ABI1: variants seen among roughly 807,000 people sequenced by gnomAD.
The protein encoded by ABI1 is Abelson interactor 1.
Under a neutral mutation model 54.6 loss-of-function variants are expected in ABI1, and 14 were observed. The observed-to-expected ratio is 0.26, with a 90% CI of 0.17 to 0.40. ABI1 has a LOEUF of 0.40. Among genes scored for constraint, ABI1 ranks in the 10% least tolerant of loss-of-function variants. The probability of loss-of-function intolerance (pLI) is 1.00; values close to 1 mark genes in which losing one functional copy is unlikely to be tolerated. For missense variants in ABI1, 443 were observed against 598.3 expected (o/e 0.74, Z 2.71); for synonymous variants, 194 against 209.3 (o/e 0.93, Z 0.63).
At chr10:26,833,846 T>C (rs1300420592) in intron 1 of ABI1, among the ~76,000 whole-genome samples, 2 of 152,014 alleles carry the variant, frequency 1.3e-5, no homozygotes, top group African/African-American at 4.8e-5. Flanking sequence ...GCAAAAAATC[T>C]GTATGTTCAA....
intron 1 of ABI1, among the ~76,000 whole-genome samples, chr10:26,847,087 C>T (rs754681932): frequency 1.3e-5 from 2 of 152,116 alleles, no homozygotes; most frequent in South Asian, 2.1e-4. Context: ...ACACATAATA[C>T]GTGTAAAAAG....
intron 1 of ABI1, among the ~76,000 whole-genome samples, chr10:26,827,889 G>T (rs200334847): frequency 6.6e-6 from 1 of 152,118 alleles, no homozygotes; most frequent in Admixed American, 6.5e-5. Context: ...CACCGCACCC[G>T]GCCAGCTTTT....
In ABI1 at chr10:26,746,726, T is replaced by A; in HGVS notation, c.*1844A>T. On this transcript the variant is annotated 3_prime_UTR_variant, in exon 11 of 11. Coordinates refer to ENST00000376140, the MANE Select transcript of ABI1 (RefSeq NM_001012750.3). The stretch of plus-strand genomic sequence containing the variant: ...ATCAAGGTATCTTGATGGTTATATG[T>A]GGTATTGTTTACACTGTTAATATCC... 1 of 487,524 alleles carries A rather than the reference T, an allele frequency of 2.1e-6. No individual in the cohort carries two copies. Among genetic ancestry groups the A allele is most frequent in the East Asian group, 3.7e-5 (1 of 27,218 alleles). 30.2% of individuals were successfully genotyped at this position (487,524 alleles called of 1,614,324 possible).
At chr10:26,760,283 C>T (rs1339692450) in intron 7 of ABI1, among the ~76,000 whole-genome samples, 1 of 152,072 alleles carries the variant, frequency 6.6e-6, no homozygotes, top group East Asian at 1.9e-4. Context: ...TTATTATTTT[C>T]CTTGCCCCAT....
chr10:26,805,269 T>TA (rs756426278), intron 2 of ABI1, among the ~76,000 whole-genome samples: 6 of 152,092 alleles, frequency 3.9e-5, no homozygotes, highest in Non-Finnish European at 8.8e-5. Flanking sequence ...AAGATTAGGC[T>TA]ACTGTGAAGA....
intron 1 of ABI1, among the ~76,000 whole-genome samples, chr10:26,837,124 T>C (rs2049134781): frequency 6.6e-6 from 1 of 152,178 alleles, no homozygotes; most frequent in East Asian, 1.9e-4. Context: ...GTATTAAATA[T>C]ACAGTCGGCT....
At chr10:26,851,080 T>C (rs988531318) in intron 1 of ABI1, among the ~76,000 whole-genome samples, 22 of 150,822 alleles carry the variant, frequency 1.5e-4, no homozygotes, top group African/African-American at 5.4e-4. Flanking sequence ...AAAAAGCACA[T>C]GAGAACTAAA....
intron 1 of ABI1, among the ~76,000 whole-genome samples, chr10:26,824,641 A>C (rs2048192865): frequency 6.6e-6 from 1 of 152,206 alleles, no homozygotes; most frequent in African/African-American, 2.4e-5. Context: ...AATGTGTATA[A>C]TATGCTACTT....
At chr10:26,829,273 A>G (rs2048512845) in intron 1 of ABI1, among the ~76,000 whole-genome samples, 1 of 151,936 alleles carries the variant, frequency 6.6e-6, no homozygotes, top group African/African-American at 2.4e-5. Flanking sequence ...TATTTATCAC[A>G]TCATAATATC....
rs182282166 is a variant in ABI1, at chr10:26,852,521, A to C, written c.117+8226T>G. The stretch of plus-strand genomic sequence containing the variant: ...ATAAGCATCTGTTGTTACAACTCTT[A>C]AGTTGCTAATATTTGACGTAGTAGG... On this transcript the variant is annotated intron_variant, in intron 1 of 10. Coordinates refer to ENST00000376140, the MANE Select transcript of ABI1 (RefSeq NM_001012750.3). Among the ~76,000 whole-genome samples the C allele has an allele frequency of 7.9e-5, 12 of 152,272 alleles. No individual in the cohort carries two copies. In the East Asian group the frequency reaches 2.3e-3, roughly 29 times the overall value.
intron 2 of ABI1, among the ~76,000 whole-genome samples, chr10:26,813,254 C>CA (rs753373576): frequency 0.079 from 10,652 of 134,772 alleles, 562 homozygotes; most frequent in East Asian, 0.27. Flanking sequence ...ATCCCCCCGC[C>CA]AAAAAAAAAA....
rs186894264 is a variant in ABI1 at position 26,818,129 on chromosome 10, A to G, written c.285+5009T>C. ...AGCCAAGATGGTGCCACTGCACTCC[A>G]GCTTGGGAGACAGAGCAAGACTCCA... is the stretch of plus-strand genomic sequence containing the variant. On this transcript the variant is annotated intron_variant, in intron 2 of 10. Transcript: ENST00000376140. Among the ~76,000 whole-genome samples, 60 of 123,738 alleles carry G rather than the reference A, an allele frequency of 4.8e-4. No homozygotes were observed. The East Asian group carries it at 0.015, about 30-fold the overall frequency. The allele number at this position is 123,738 out of a possible 152,430, so 81.2% of individuals were successfully genotyped here. A position where few individuals can be genotyped will look rare whatever the true frequency, so the allele number is the denominator to read the frequency against.
At chr10:26,839,548 C>T (rs900681600) in intron 1 of ABI1, among the ~76,000 whole-genome samples, 5 of 151,574 alleles carry the variant, frequency 3.3e-5, no homozygotes, top group African/African-American at 1.2e-4. Flanking sequence ...ATTACTTAAG[C>T]AGTATAATGC....
chr10:26,843,204 G>A (rs10829103), intron 1 of ABI1, among the ~76,000 whole-genome samples: 30,714 of 151,296 alleles, frequency 0.2, 3,219 homozygotes, highest in African/African-American at 0.27. Context: ...TGTAATCCCA[G>A]CACTCTGGAA....
At position 26,747,064 on chromosome 10, in the gene ABI1, T is replaced by C. The variant is rs182325679; in HGVS notation, c.*1506A>G. ...TAACAAAGGCAAAATGCATATGAAA[T>C]AGTCACATTGATTTGGTAGCAATAA... On this transcript the variant is annotated 3_prime_UTR_variant, in exon 11 of 11. Transcript: ENST00000376140. 5 of 228,918 alleles carry C rather than the reference T, an allele frequency of 2.2e-5. No homozygotes were observed. In the East Asian group the frequency reaches 3.3e-4, roughly 15 times the overall value. 14.2% of individuals were successfully genotyped at this position (228,918 alleles called of 1,614,324 possible).
intron 2 of ABI1, among the ~76,000 whole-genome samples, chr10:26,788,635 G>A (rs1032765661): frequency 7.2e-5 from 11 of 151,832 alleles, no homozygotes; most frequent in South Asian, 2.1e-4. Context: ...GTTTGAGGCC[G>A]GGTGCAGTGG....
chr10:26,853,830 C>T (rs2050605735), intron 1 of ABI1, among the ~76,000 whole-genome samples: 2 of 152,270 alleles, frequency 1.3e-5, no homozygotes, highest in South Asian at 2.1e-4. Context: ...GTGTGAGCCA[C>T]CACGCCCAGC....
At chr10:26,759,824 A>C (rs1005853447) in intron 7 of ABI1, among the ~76,000 whole-genome samples, 1 of 152,108 alleles carries the variant, frequency 6.6e-6, no homozygotes, top group African/African-American at 2.4e-5. Flanking sequence ...ATCAATACAT[A>C]TTAAGTAAAA....
At chr10:26,854,452 G>A (rs372050447) in intron 1 of ABI1, among the ~76,000 whole-genome samples, 121 of 132,208 alleles carry the variant, frequency 9.2e-4, no homozygotes, top group African/African-American at 1.1e-3. Flanking sequence ...TGTGAAAGAA[G>A]AAAAAAAAAA....
Sources: allele counts gnomAD v4.1 joint callset (sites outside exome capture counted in the v4.1 genomes callset), GRCh38; gene constraint gnomAD v4.1.1; transcripts MANE v1.5; gene names NCBI Gene and HGNC (gene_info 2026-07-23, HGNC 2026-07-21).